Variants in GRM8 observed in about 807,000 individuals in gnomAD.
The protein encoded by GRM8 is glutamate metabotropic receptor 8, also known as metabotropic glutamate receptor 8.
GRM8 carries 47 observed loss-of-function variants against 87.2 expected under a neutral mutation model. The observed-to-expected ratio is 0.54, with a 90% CI of 0.43 to 0.69. The LOEUF is 0.69. Ranked by LOEUF, GRM8 falls within the 30% of genes least tolerant of loss-of-function variation. GRM8 has a pLI of 0.00. For synonymous variants in GRM8, 396 were observed against 404.5 expected (o/e 0.98, Z 0.25); for missense variants, 1,019 against 1,139.2 (o/e 0.89, Z 1.52).
At chr7:126,636,799 G>A (rs1393188717) in intron 7 of GRM8, among the ~76,000 whole-genome samples, 10 of 152,010 alleles carry the variant, frequency 6.6e-5, no homozygotes, top group Admixed American at 6.6e-4. Context: ...CAAAAGCACA[G>A]TAATTGAAAG....
At position 126,680,251 on chromosome 7, in the gene GRM8, T is replaced by C. The variant is rs770352174; in HGVS notation, c.1358-70753A>G. Reference sequence around the variant, plus strand: ...ACTGTCAATCTCATTGACAGAAGACTGTCAAGAAGAGGTGAGAATATAAGC... The same window carrying C: ...ACTGTCAATCTCATTGACAGAAGACCGTCAAGAAGAGGTGAGAATATAAGC... On this transcript the variant is annotated intron_variant, in intron 7 of 10. Coordinates refer to ENST00000339582, the MANE Select transcript of GRM8 (RefSeq NM_000845.3). 6.4e-4 allele frequency among the ~76,000 whole-genome samples: 98 copies of C among 152,264 alleles called. 2 individuals carry two copies. Among genetic ancestry groups the C allele is most frequent in the South Asian group, 4.1e-4 (2 of 4,828 alleles).
At chr7:126,959,858 G>A (rs1055558938) in intron 3 of GRM8, among the ~76,000 whole-genome samples, 1 of 152,124 alleles carries the variant, frequency 6.6e-6, no homozygotes, top group African/African-American at 2.4e-5. Context: ...TTCATCACTT[G>A]TTAGCTGCAT....
At chr7:126,477,819 A>G (rs1354947308) in intron 9 of GRM8, among the ~76,000 whole-genome samples, 1 of 152,166 alleles carries the variant, frequency 6.6e-6, no homozygotes, top group Non-Finnish European at 1.5e-5. Flanking sequence ...TGTTCTAACA[A>G]ATTCACACAA....
intron 6 of GRM8, among the ~76,000 whole-genome samples, chr7:126,887,795 G>A (rs138718082): frequency 3.3e-5 from 5 of 152,052 alleles, no homozygotes; most frequent in Admixed American, 6.6e-5. Flanking sequence ...ACACTCAAGC[G>A]GGGCTTTGTG....
chr7:127,173,001 T>C (rs200317858), intron 2 of GRM8, among the ~76,000 whole-genome samples: 1 of 152,182 alleles, frequency 6.6e-6, no homozygotes, highest in East Asian at 1.9e-4. Flanking sequence ...TAGAAAGGAA[T>C]AGAAGACAAG....
intron 9 of GRM8, among the ~76,000 whole-genome samples, chr7:126,459,256 A>G (rs1803610885): frequency 6.6e-6 from 1 of 151,566 alleles, no homozygotes; most frequent in Non-Finnish European, 1.5e-5. Flanking sequence ...TTGCCCAGGA[A>G]ATAGATATTA....
chr7:126,588,188 G>C (rs557659058), intron 8 of GRM8, among the ~76,000 whole-genome samples: 1 of 152,208 alleles, frequency 6.6e-6, no homozygotes, highest in Non-Finnish European at 1.5e-5. Flanking sequence ...TTACAGGCAA[G>C]TCTAGAAGAG....
chr7:126,699,580 C>T (rs1429700981), intron 7 of GRM8, among the ~76,000 whole-genome samples: 2 of 152,116 alleles, frequency 1.3e-5, no homozygotes, highest in Non-Finnish European at 2.9e-5. Flanking sequence ...TCTTCTATTT[C>T]CTCTTTCATT....
intron 7 of GRM8, among the ~76,000 whole-genome samples, chr7:126,654,545 A>G (rs1804291078): frequency 6.6e-6 from 1 of 152,226 alleles, no homozygotes; most frequent in Non-Finnish European, 1.5e-5. Context: ...TGTACCCAGT[A>G]TTTATGTGGA....
chr7:126,745,476 C>G (rs1299283330), intron 7 of GRM8, among the ~76,000 whole-genome samples: 2 of 149,694 alleles, frequency 1.3e-5, no homozygotes, highest in African/African-American at 4.9e-5. Context: ...ATATGTCCAA[C>G]TGCTTCCTAA....
At chr7:127,189,190 A>T (rs750093900) in intron 2 of GRM8, among the ~76,000 whole-genome samples, 19 of 152,148 alleles carry the variant, frequency 1.2e-4, no homozygotes, top group Non-Finnish European at 2.4e-4. Context: ...CTATTTTTCC[A>T]TCACTCATCA....
intron 2 of GRM8, among the ~76,000 whole-genome samples, chr7:127,200,614 G>C (rs538331914): frequency 1.0e-3 from 152 of 152,274 alleles, no homozygotes; most frequent in Non-Finnish European, 2.0e-3. Context: ...GCAGGCTCTA[G>C]AGAGGACCCT....
chr7:126,792,881 G>C (rs1215266104), intron 6 of GRM8, among the ~76,000 whole-genome samples: 1 of 152,078 alleles, frequency 6.6e-6, no homozygotes, highest in East Asian at 1.9e-4. Flanking sequence ...GGCTCCTTCT[G>C]CACTGCCCCT....
At position 126,544,754 on chromosome 7, in the gene GRM8, C is replaced by T. The variant is rs184400067; in HGVS notation, c.1495-10867G>A. ...CAAACTCCTGACCTCATGATCCGCC[C>T]GCCTCGGCCTCCCAAAGTGCTGGGA... On this transcript the variant is annotated intron_variant, in intron 8 of 10. Transcript: ENST00000339582. Among the ~76,000 whole-genome samples, 8 of 152,094 alleles carry T rather than the reference C, an allele frequency of 5.3e-5. No homozygotes were observed. In the South Asian group the frequency reaches 1.0e-3, roughly 20 times the overall value.
Position 127,242,783 on chromosome 7 carries a change from A to G in GRM8, c.422T>C (p.Phe141Ser). ...GCCAGAAATCTTGTCGGGCTTGGTG[A>G]AAATGGGTGGATCTCCATTAGCACA... ...VKCANGDPPI[F>S]TKPDKISGVI... Residue 141 changes from phenylalanine to serine, a missense_variant, in exon 2 of 11, where the codon TTC becomes TCC. Phe to Ser is a radical substitution (Grantham distance 155). Coordinates refer to ENST00000339582, the MANE Select transcript of GRM8 (RefSeq NM_000845.3). 1 of 1,614,168 alleles carries G rather than the reference A, an allele frequency of 6.2e-7. No individual in the cohort carries two copies. The highest frequency in any genetic ancestry group is 8.5e-7 in the Non-Finnish European group (1 of 1,180,008).
intron 3 of GRM8, among the ~76,000 whole-genome samples, chr7:127,029,398 C>T (rs1042860333): frequency 6.6e-6 from 1 of 152,170 alleles, no homozygotes; most frequent in Non-Finnish European, 1.5e-5. Flanking sequence ...TGTTAATTTT[C>T]TGTCTCATTG....
intron 2 of GRM8, among the ~76,000 whole-genome samples, chr7:127,123,909 G>GA (rs35777603): frequency 1.3e-5 from 2 of 151,830 alleles, no homozygotes; most frequent in East Asian, 1.9e-4. Context: ...TTCGTTACAA[G>GA]AAAAAATGTC....
rs974685443 is a variant in GRM8, at chr7:126,620,059, G to A, written c.1358-10561C>T. 4.0e-5 allele frequency among the ~76,000 whole-genome samples: 5 copies of A among 123,556 alleles called. No homozygotes were observed. The South Asian group carries it at 1.5e-3, about 37-fold the overall frequency. The allele number at this position is 123,556 out of a possible 152,430, so 81.1% of individuals were successfully genotyped here. A position where few individuals can be genotyped will look rare whatever the true frequency, so the allele number is the denominator to read the frequency against. On this transcript the variant is annotated intron_variant, in intron 7 of 10. Coordinates refer to ENST00000339582, the MANE Select transcript of GRM8 (RefSeq NM_000845.3). The stretch of plus-strand genomic sequence containing the variant: ...GTGGCTCATACTTTGGGAATCTGAG[G>A]TAGGAGGATCTCTTCAGGCCAGGAG...
intron 7 of GRM8, among the ~76,000 whole-genome samples, chr7:126,715,947 T>C (rs10244102): frequency 0.02 from 3,048 of 152,326 alleles, 104 homozygotes; most frequent in African/African-American, 0.07. Flanking sequence ...TAACTGAGCA[T>C]GTATTTTCAC....
Sources: allele counts gnomAD v4.1 joint callset (sites outside exome capture counted in the v4.1 genomes callset), GRCh38; gene constraint gnomAD v4.1.1; transcripts MANE v1.5; gene names NCBI Gene and HGNC (gene_info 2026-07-23, HGNC 2026-07-21).